The following NLRC4 variants were observed in gnomAD, a reference collection of about 807,000 sequenced individuals.
NLRC4 encodes the protein NLR family CARD domain containing 4.
Under a neutral mutation model 79.9 loss-of-function variants are expected in NLRC4, and 63 were observed. The ratio of observed to expected loss-of-function variants is 0.79; its 90% CI spans 0.64 to 0.97. The LOEUF (loss-of-function observed/expected upper bound fraction) is 0.97. Among genes scored for constraint, NLRC4 ranks in the 50% least tolerant of loss-of-function variants. The pLI is 0.00. For synonymous variants in NLRC4, 461 were observed against 456.5 expected, an observed-to-expected ratio of 1.01 and a Z score of -0.12; for missense variants, 1,074 against 1,215.2, an observed-to-expected ratio of 0.88 and a Z score of 1.73.
At position 32,224,624 on chromosome 2, in the gene NLRC4, T is replaced by C. The variant is rs945779246; in HGVS notation, c.2924A>G (p.Lys975Arg). The change falls in exon 9 of 9, where the codon AAA becomes AGA. Residue 975 changes from lysine to arginine, a missense_variant. Coordinates refer to ENST00000402280, the MANE Select transcript of NLRC4 (RefSeq NM_001199138.2). ...TAATGCTGGATCAGGTAGAAATTCTTTAGTACTAAAGTCAAAAAACACTAA... is the reference window on the plus strand; with the variant it reads ...TAATGCTGGATCAGGTAGAAATTCTCTAGTACTAAAGTCAAAAAACACTAA... ...KQLVFFDFSTKEFLPDPALVR... is the reference protein window; with the variant it reads ...KQLVFFDFSTREFLPDPALVR... 1.2e-6 allele frequency: 2 copies of C among 1,613,942 alleles called. No homozygotes were observed. Among genetic ancestry groups the C allele is most frequent in the Non-Finnish European group, 8.5e-7 (1 of 1,179,888 alleles).
At chr2:32,229,769 G>T (rs920276224) in intron 8 of NLRC4, among the ~76,000 whole-genome samples, 1 of 152,220 alleles carries the variant, frequency 6.6e-6, no homozygotes, top group African/African-American at 2.4e-5. Context: ...GGAATGCTCA[G>T]TGTCAACTCC....
intron 8 of NLRC4, among the ~76,000 whole-genome samples, chr2:32,230,999 G>C (rs1558445818): frequency 6.6e-6 from 1 of 151,884 alleles, no homozygotes; most frequent in Non-Finnish European, 1.5e-5. Context: ...TTGTAGTTTT[G>C]GTTTACATTA....
intron 2 of NLRC4, among the ~76,000 whole-genome samples, chr2:32,254,969 C>T (rs995172233): frequency 6.6e-6 from 1 of 151,878 alleles, no homozygotes; most frequent in East Asian, 1.9e-4. Context: ...ATGCACTCCT[C>T]TCAAAGACCC....
At chr2:32,242,340 C>T (rs1205670135) in intron 4 of NLRC4, among the ~76,000 whole-genome samples, 1 of 152,122 alleles carries the variant, frequency 6.6e-6, no homozygotes, top group Non-Finnish European at 1.5e-5. Flanking sequence ...TCACTACACA[C>T]ACTGCAGATA....
At chr2:32,245,698 G>C (rs1686919175) in intron 4 of NLRC4, among the ~76,000 whole-genome samples, 3 of 152,150 alleles carry the variant, frequency 2.0e-5, no homozygotes, top group Admixed American at 2.0e-4. Flanking sequence ...ATTACACATT[G>C]CATGCCTGGA....
At chr2:32,265,284 G>T, upstream of NLRC4, among the ~76,000 whole-genome samples, 1 of 152,004 alleles carries the variant, frequency 6.6e-6, no homozygotes, top group South Asian at 2.1e-4. Flanking sequence ...GGGTTCAAGC[G>T]TTCCTCCCGC....
rs371710958 is a variant in NLRC4, at chr2:32,238,562, G to A, written c.2351-260C>T. Among the ~76,000 whole-genome samples the A allele has an allele frequency of 1.6e-4, 25 of 152,218 alleles. No individual in the cohort carries two copies. The South Asian group carries it at 4.6e-3, about 28-fold the overall frequency. Reference sequence around the variant, plus strand: ...TGAGAAACACTGTAGTAAATTTGTAGTCTTTTTAATGGGCATCAATGTATA... The same window carrying A: ...TGAGAAACACTGTAGTAAATTTGTAATCTTTTTAATGGGCATCAATGTATA... On this transcript the variant is annotated intron_variant, in intron 5 of 8. Coordinates refer to ENST00000402280, the MANE Select transcript of NLRC4 (RefSeq NM_001199138.2).
chr2:32,260,226 A>C (rs1351743830), intron 1 of NLRC4, among the ~76,000 whole-genome samples: 2 of 151,268 alleles, frequency 1.3e-5, no homozygotes, highest in Non-Finnish European at 2.9e-5. Flanking sequence ...AAAAAAAAAA[A>C]AAAAAAACAA....
At chr2:32,257,961 A>G (rs1687247551) in intron 1 of NLRC4, among the ~76,000 whole-genome samples, 2 of 152,058 alleles carry the variant, frequency 1.3e-5, no homozygotes, top group Admixed American at 1.3e-4. Context: ...GTATTAGCTC[A>G]ATGGGACCCC....
At position 32,235,347 on chromosome 2, in the gene NLRC4, A is replaced by G. The variant is rs539577844; in HGVS notation, c.2782+54T>C. 2.2e-6 allele frequency: 3 copies of G among 1,375,678 alleles called. No homozygotes were observed. The African/African-American group carries it at 4.3e-5, about 20-fold the overall frequency. The allele number at this position is 1,375,678 out of a possible 1,614,324, so 85.2% of individuals were successfully genotyped here. On this transcript the variant is annotated intron_variant, in intron 8 of 8. Coordinates refer to ENST00000402280, the MANE Select transcript of NLRC4 (RefSeq NM_001199138.2). ...GGGCAAAATAAGCAAAGCCAACTTA[A>G]GAATTTTTTAAGGGCCAAATCCAGT...
chr2:32,224,459 C>G lies in NLRC4; in HGVS notation c.*14G>C. On this transcript the variant is annotated 3_prime_UTR_variant, in exon 9 of 9. Transcript: ENST00000402280. Reference sequence around the variant, plus strand: ...GAGGTCCCAGAGCACTTACTGGCTTCGAGTACACTTTATTTAAGCAGTTAC... The same window carrying G: ...GAGGTCCCAGAGCACTTACTGGCTTGGAGTACACTTTATTTAAGCAGTTAC... 6.4e-7 allele frequency: 1 copy of G among 1,562,554 alleles called. No homozygotes were observed. Among genetic ancestry groups the G allele is most frequent in the Non-Finnish European group, 8.7e-7 (1 of 1,154,004 alleles).
At chr2:32,257,158 G>A (rs1480264822) in intron 1 of NLRC4, among the ~76,000 whole-genome samples, 1 of 152,194 alleles carries the variant, frequency 6.6e-6, no homozygotes, top group Non-Finnish European at 1.5e-5. Context: ...GAGCCAAGAA[G>A]GCAACATGGA....
chr2:32,249,969 C>G lies in NLRC4; in HGVS notation c.1895G>C (p.Gly632Ala). ...ASWEKAAEDTGGIHMEEAPET... is the reference protein window; with the variant it reads ...ASWEKAAEDTAGIHMEEAPET... ...TGGGGCCTCTTCCATGTGGATTCCA[C>G]CTGTGTCTTCTGCAGCCTTTTCCCA... Residue 632 changes from glycine (G) to alanine (A), a missense_variant, in exon 4 of 9, where the codon GGT (glycine) becomes GCT (alanine). Physicochemically the swap from Gly to Ala is moderately conservative, Grantham distance 60. Transcript: ENST00000402280. 2 of 1,614,222 alleles carry G rather than the reference C, an allele frequency of 1.2e-6. No homozygotes were observed. The highest frequency in any genetic ancestry group is 1.7e-6 in the Non-Finnish European group (2 of 1,180,048).
chr2:32,257,029 A>T (rs1687222989), intron 1 of NLRC4, 136 bp from the exon 2 acceptor site: 1 of 464,640 alleles, frequency 2.2e-6, no homozygotes, highest in South Asian at 3.6e-5. Context: ...GCCCCTGGCT[A>T]TTCATGGCCA....
At chr2:32,240,834 AT>A (rs1422450884) in intron 5 of NLRC4, among the ~76,000 whole-genome samples, 198 bp downstream of exon 5, 1 of 152,208 alleles carries the variant, frequency 6.6e-6, no homozygotes, top group Non-Finnish European at 1.5e-5. Flanking sequence ...AAGGGTTACC[AT>A]CTGGTGTTGT....
In NLRC4 at chr2:32,250,012, C is replaced by A; in HGVS notation, c.1852G>T (p.Gly618Trp). ...ALDFIKLDFY[G>W]GAMASWEKAA... ...TTTTCCCATGAAGCCATAGCTCCCC[C>A]ATAAAAGTCCAGTTTAATGAAGTCC... The change falls in exon 4 of 9, where the codon GGG becomes TGG. Residue 618 changes from glycine to tryptophan, a missense_variant. Transcript: ENST00000402280. This position sits in a 1 kb window ranked among gnomAD's most constrained non-coding sequence, Gnocchi z 4.9. The A allele has an allele frequency of 1.2e-6, 2 of 1,614,198 alleles. No individual in the cohort carries two copies. Among genetic ancestry groups the A allele is most frequent in the African/African-American group, 1.3e-5 (1 of 75,042 alleles).
chr2:32,228,261 A>C (rs530814568), intron 8 of NLRC4, among the ~76,000 whole-genome samples: 2 of 152,338 alleles, frequency 1.3e-5, no homozygotes, highest in South Asian at 4.1e-4. Flanking sequence ...TTCCCAGAAC[A>C]CTTGCAATTG....
chr2:32,231,668 C>G (rs1686542268), intron 8 of NLRC4, among the ~76,000 whole-genome samples: 1 of 151,448 alleles, frequency 6.6e-6, no homozygotes, highest in African/African-American at 2.4e-5. Context: ...TTCCTGAGCT[C>G]AAGCCATCCT....
chr2:32,245,568 G>A (rs1171130556), intron 4 of NLRC4, among the ~76,000 whole-genome samples: 1 of 152,032 alleles, frequency 6.6e-6, no homozygotes, highest in Non-Finnish European at 1.5e-5. Context: ...GCACAACATA[G>A]TATCTAAGTC....
Sources: allele counts gnomAD v4.1 joint callset (sites outside exome capture counted in the v4.1 genomes callset), GRCh38; gene constraint gnomAD v4.1.1; non-coding constraint Gnocchi (gnomAD v3.1); transcripts MANE v1.5; gene names NCBI Gene and HGNC (gene_info 2026-07-23, HGNC 2026-07-21).